PIAS1: variants seen among roughly 807,000 people sequenced by gnomAD.
The protein encoded by PIAS1 is E3 SUMO-protein ligase PIAS1.
Under a neutral mutation model 71.3 loss-of-function variants are expected in PIAS1, and 6 were observed. The observed-to-expected ratio is 0.08, with a 90% confidence interval of 0.05 to 0.17. PIAS1 has a LOEUF of 0.17. Among genes scored for constraint, PIAS1 ranks in the 10% least tolerant of loss-of-function variants. The probability of loss-of-function intolerance (pLI) is 1.00; values close to 1 mark genes in which losing one functional copy is unlikely to be tolerated. For synonymous variants in PIAS1, 303 were observed against 292.9 expected, an observed-to-expected ratio of 1.03 and a Z score of -0.35; for missense variants, 555 against 793.6, an observed-to-expected ratio of 0.70 and a Z score of 3.61.
intron 2 of PIAS1, among the ~76,000 whole-genome samples, chr15:68,090,687 A>G (rs1276254357): frequency 1.3e-5 from 2 of 152,130 alleles, no homozygotes; most frequent in East Asian, 1.9e-4. Flanking sequence ...AACAGTGGCT[A>G]TGATAGGGAT....
intron 9 of PIAS1, among the ~76,000 whole-genome samples, chr15:68,175,261 GT>G (rs1567076886): frequency 1.3e-5 from 2 of 152,020 alleles, no homozygotes; most frequent in Non-Finnish European, 2.9e-5. Context: ...TTTTGCTTTA[GT>G]TTATCAAATA....
chr15:68,064,379 T>C (rs371937337), intron 1 of PIAS1, among the ~76,000 whole-genome samples: 1 of 152,242 alleles, frequency 6.6e-6, no homozygotes, highest in Non-Finnish European at 1.5e-5. Flanking sequence ...ATGAATGTGT[T>C]ATGTTGAAGT....
chr15:68,066,087 A>G (rs1432654000), intron 1 of PIAS1, among the ~76,000 whole-genome samples: 1 of 151,102 alleles, frequency 6.6e-6, no homozygotes. Context: ...GGTGTGGGAA[A>G]TATATAACTT....
chr15:68,104,095 A>G (rs1309372133), intron 2 of PIAS1, among the ~76,000 whole-genome samples: 1 of 152,128 alleles, frequency 6.6e-6, no homozygotes, highest in Non-Finnish European at 1.5e-5. Flanking sequence ...CCTTACCAAC[A>G]CTTGTTATTA....
chr15:68,105,821 T>A (rs531967463), intron 2 of PIAS1, among the ~76,000 whole-genome samples: 15 of 152,224 alleles, frequency 9.9e-5, no homozygotes, highest in East Asian at 3.9e-4. Flanking sequence ...AAATTTTTTT[T>A]AAATAAATAA....
intron 2 of PIAS1, among the ~76,000 whole-genome samples, chr15:68,137,492 C>G (rs1301359145): frequency 2.6e-5 from 4 of 151,754 alleles, no homozygotes; most frequent in African/African-American, 7.3e-5. Flanking sequence ...ATAGGTAATT[C>G]TTTTCCGATT....
At chr15:68,061,567 A>G (rs991246675) in intron 1 of PIAS1, 1 of 152,218 alleles carries the variant, frequency 6.6e-6, no homozygotes, top group Admixed American at 6.5e-5. Flanking sequence ...TCCTTTGAAT[A>G]TTAACTAATG....
At chr15:68,059,057 T>C (rs1053011774) in intron 1 of PIAS1, among the ~76,000 whole-genome samples, 1 of 147,754 alleles carries the variant, frequency 6.8e-6, no homozygotes. Context: ...CAGGCAGTAG[T>C]GCAGTGGCGC....
At position 68,065,973 on chromosome 15, in the gene PIAS1, C is replaced by G. The variant is rs372226850; in HGVS notation, c.24+11623C>G. Among the ~76,000 whole-genome samples, 38 of 124,466 alleles carry G rather than the reference C, an allele frequency of 3.1e-4. 1 individual carries two copies. In the East Asian group the frequency reaches 4.1e-3, roughly 13 times the overall value. The allele number at this position is 124,466 out of a possible 152,430, so 81.7% of individuals were successfully genotyped here. ...ATAGGGTCTTGCTGTGTTGCCCAGG[C>G]TGCTCTCAGACTCATGTGATCCTCA... On this transcript the variant is annotated intron_variant, in intron 1 of 13. Transcript: ENST00000249636.
At chr15:68,115,317 C>T (rs1295934559) in intron 2 of PIAS1, among the ~76,000 whole-genome samples, 1 of 151,966 alleles carries the variant, frequency 6.6e-6, no homozygotes, top group Non-Finnish European at 1.5e-5. Flanking sequence ...AACTCTCTTC[C>T]ACAGTACATG....
At chr15:68,068,980 C>G (rs1209053327) in intron 1 of PIAS1, among the ~76,000 whole-genome samples, 1 of 151,078 alleles carries the variant, frequency 6.6e-6, no homozygotes, top group African/African-American at 2.4e-5. Flanking sequence ...ACTGCAACCT[C>G]CACCTCCTGG....
Position 68,178,424 on chromosome 15 carries a change from A to G in PIAS1, c.1481+1770A>G, listed in dbSNP as rs1322561124. Among the ~76,000 whole-genome samples the G allele has an allele frequency of 6.6e-6, 1 of 152,224 alleles. No individual in the cohort carries two copies. Among genetic ancestry groups the G allele is most frequent in the Non-Finnish European group, 1.5e-5 (1 of 68,032 alleles). ...TTAAGCACAAATCCTACTGTTATGA[A>G]CATGACCTCTGATAAAAGCCTATCT... On this transcript the variant is annotated intron_variant, in intron 11 of 13. Transcript: ENST00000249636. The surrounding 1 kb of genome is among the most constrained non-coding windows in gnomAD (Gnocchi z 4.2).
chr15:68,144,644 T>C (rs954559707), intron 4 of PIAS1, among the ~76,000 whole-genome samples: 70 of 152,236 alleles, frequency 4.6e-4, no homozygotes, highest in African/African-American at 1.7e-3. Flanking sequence ...AATTAGCCTG[T>C]AATGGAAGGT....
At position 68,191,886 on chromosome 15, in the gene PIAS1, G is replaced by C. The variant is rs1427995701; in HGVS notation, c.*4051G>C. ...ACTCTGGACCACTGAATCCCTTAAT[G>C]AGCAGGGAGTCCGTGAAGAGGAGCC... On this transcript the variant is annotated 3_prime_UTR_variant, in exon 14 of 14. Transcript: ENST00000249636. 6.6e-6 allele frequency: 1 copy of C among 152,190 alleles called. No homozygotes were observed. Among genetic ancestry groups the C allele is most frequent in the Non-Finnish European group, 1.5e-5 (1 of 68,040 alleles). 9.4% of individuals were successfully genotyped at this position (152,190 alleles called of 1,614,324 possible). A position where few individuals can be genotyped will look rare whatever the true frequency, so the allele number is the denominator to read the frequency against.
chr15:68,057,190 T>C (rs1191130773), intron 1 of PIAS1, among the ~76,000 whole-genome samples: 1 of 152,234 alleles, frequency 6.6e-6, no homozygotes, highest in African/African-American at 2.4e-5. Flanking sequence ...ATATTGCCAA[T>C]AAAAATTAGA....
chr15:68,088,743 G>A (rs1048045707), intron 2 of PIAS1, among the ~76,000 whole-genome samples: 15 of 152,220 alleles, frequency 9.9e-5, no homozygotes, highest in African/African-American at 3.6e-4. Context: ...CAGGGTGTAG[G>A]ATGAGTATAT....
chr15:68,183,408 A>G (rs994963742), intron 12 of PIAS1, among the ~76,000 whole-genome samples: 8 of 152,162 alleles, frequency 5.3e-5, no homozygotes, highest in Non-Finnish European at 7.3e-5. Flanking sequence ...CAGTCCCCCA[A>G]ATGGGGTCAC....
chr15:68,078,694 G>A lies in PIAS1; in HGVS notation c.25-7612G>A, dbSNP rs560877605. ...ATGTAGTTACTGTGTGATTTTAGAT[G>A]TAATGTCAGTTTTCTTATCTATACA... On this transcript the variant is annotated intron_variant, in intron 1 of 13. Transcript: ENST00000249636. 2.0e-5 allele frequency among the ~76,000 whole-genome samples: 3 copies of A among 152,272 alleles called. No individual in the cohort carries two copies. In the East Asian group the frequency reaches 5.8e-4, roughly 29 times the overall value.
chr15:68,084,761 G>A (rs2092263910), intron 1 of PIAS1, among the ~76,000 whole-genome samples: 1 of 152,130 alleles, frequency 6.6e-6, no homozygotes, highest in African/African-American at 2.4e-5. Context: ...ATATGGTTGT[G>A]TACCATGGAG....
Sources: allele counts gnomAD v4.1 joint callset (sites outside exome capture counted in the v4.1 genomes callset), GRCh38; gene constraint gnomAD v4.1.1; non-coding constraint Gnocchi (gnomAD v3.1); transcripts MANE v1.5; gene names NCBI Gene and HGNC (gene_info 2026-07-23, HGNC 2026-07-21).